Variants in OTOGL observed in about 807,000 individuals in gnomAD.
OTOGL encodes otogelin-like protein.
In OTOGL, 285 loss-of-function variants were observed where a neutral mutation model predicts 318.5. The observed-to-expected ratio is 0.89, with a 90% confidence interval of 0.81 to 0.99. OTOGL has a LOEUF of 0.99. OTOGL is among the 50% of genes least tolerant of loss of function. OTOGL has a pLI of 0.00. For synonymous variants in OTOGL, 987 were observed against 936.5 expected, an observed-to-expected ratio of 1.05 and a Z score of -0.99; for missense variants, 2,899 against 2,845.6, an observed-to-expected ratio of 1.02 and a Z score of -0.43.
Position 80,130,983 on chromosome 12 carries a change from C to T in OTOGL, c.-20+31378C>T, listed in dbSNP as rs558890809. Reference sequence around the variant, plus strand: ...CTTAATTCCCCTTTACCTATTCATTCCCCCCAAAGGGTTTGGGGAGTCAGA... The same window carrying T: ...CTTAATTCCCCTTTACCTATTCATTTCCCCCAAAGGGTTTGGGGAGTCAGA... On this transcript the variant is annotated intron_variant, in intron 1 of 58. Coordinates refer to ENST00000547103, the MANE Select transcript of OTOGL (RefSeq NM_001378609.3). 4.6e-5 allele frequency: 7 copies of T among 152,212 alleles called. No individual in the cohort carries two copies. In the South Asian group the frequency reaches 1.5e-3, roughly 32 times the overall value. The allele number at this position is 152,212 out of a possible 1,614,324, so 9.4% of individuals were successfully genotyped here.
At chr12:80,294,733 A>C (rs1451089) in intron 26 of OTOGL, among the ~76,000 whole-genome samples, 151,493 of 152,278 alleles carry the variant, frequency 0.99, 75,361 homozygotes, top group Non-Finnish European at 1. Flanking sequence ...AAGAGATGAA[A>C]TGAGTTAGTT....
intron 1 of OTOGL, among the ~76,000 whole-genome samples, chr12:80,144,088 G>GTATTATT (rs1872146470): frequency 1.3e-5 from 2 of 151,082 alleles, no homozygotes; most frequent in Non-Finnish European, 2.9e-5. Flanking sequence ...TAAGTTTTAG[G>GTATTATT]GTACTTGTGC....
chr12:80,138,856 A>G (rs1488318884), intron 1 of OTOGL, among the ~76,000 whole-genome samples: 1 of 152,150 alleles, frequency 6.6e-6, no homozygotes, highest in Non-Finnish European at 1.5e-5. Context: ...GAGTGAATGA[A>G]TAAATGAATT....
chr12:80,336,624 G>A (rs1888425809), intron 40 of OTOGL, 69 bp downstream of exon 40: 2 of 1,507,314 alleles, frequency 1.3e-6, no homozygotes, highest in African/African-American at 2.8e-5. Context: ...GCAACATCAG[G>A]GATTCTCACA....
At chr12:80,274,680 A>T (rs930126993) in intron 24 of OTOGL, among the ~76,000 whole-genome samples, 1 of 152,090 alleles carries the variant, frequency 6.6e-6, no homozygotes, top group African/African-American at 2.4e-5. Context: ...TCTTAGCTAG[A>T]GAGAAGACAA....
At chr12:80,205,769 C>T (rs1876767453) in intron 1 of OTOGL, among the ~76,000 whole-genome samples, 1 of 152,134 alleles carries the variant, frequency 6.6e-6, no homozygotes, top group Non-Finnish European at 1.5e-5. Flanking sequence ...CAAATGTTAT[C>T]TACTTTAAAT....
chr12:80,344,727 G>T (rs924043455), intron 44 of OTOGL, among the ~76,000 whole-genome samples: 3 of 151,692 alleles, frequency 2.0e-5, no homozygotes, highest in African/African-American at 7.3e-5. Context: ...AGTAATCTTG[G>T]CTCAAGAGGT....
At chr12:80,264,336 C>G (rs1882782292) in intron 19 of OTOGL, among the ~76,000 whole-genome samples, 1 of 152,126 alleles carries the variant, frequency 6.6e-6, no homozygotes, top group Non-Finnish European at 1.5e-5. Flanking sequence ...CAGATGTCCT[C>G]CCCTCCCCAG....
At chr12:80,283,208 T>C (rs1179875802) in intron 26 of OTOGL, among the ~76,000 whole-genome samples, 1 of 152,004 alleles carries the variant, frequency 6.6e-6, no homozygotes, top group African/African-American at 2.4e-5. Context: ...TATTTCTTTC[T>C]ATTTATCTTT....
At chr12:80,298,099 A>T (rs1885530869) in intron 27 of OTOGL, among the ~76,000 whole-genome samples, 1 of 152,202 alleles carries the variant, frequency 6.6e-6, no homozygotes, top group African/African-American at 2.4e-5. Context: ...TGAATATCAA[A>T]ATGTGCTAAT....
chr12:80,353,421 G>A lies in OTOGL; in HGVS notation c.5504G>A (p.Cys1835Tyr), dbSNP rs1449415585. Residue 1835 changes from cysteine to tyrosine, a missense_variant, in exon 46 of 59, where the codon TGT becomes TAT. Around this residue, in one of 3 missense-constraint regions of OTOGL, gnomAD observed 2,607 missense variants for 2,524.9 expected, o/e 1.03. Transcript: ENST00000547103. ...LNQWFYGHTS[C>Y]LNLREDCVCK... ...CAATGGTTCTATGGACACACTTCCT[G>A]TTTGAATCTAAGAGAAGACTGTGTG... The A allele has an allele frequency of 6.2e-7, 1 of 1,604,048 alleles. No homozygotes were observed. Among genetic ancestry groups the A allele is most frequent in the African/African-American group, 1.3e-5 (1 of 74,816 alleles).
At chr12:80,137,494 A>C (rs1871653125) in intron 1 of OTOGL, among the ~76,000 whole-genome samples, 1 of 152,198 alleles carries the variant, frequency 6.6e-6, no homozygotes, top group Admixed American at 6.5e-5. Flanking sequence ...GTTTGACCCA[A>C]GACAAATCAG....
intron 44 of OTOGL, among the ~76,000 whole-genome samples, chr12:80,345,323 C>A (rs1158422770): frequency 6.7e-6 from 1 of 148,810 alleles, no homozygotes; most frequent in Non-Finnish European, 1.5e-5. Context: ...GAAGCCTCCA[C>A]CTCTCAGATT....
At chr12:80,176,941 T>A (rs767632130) in intron 1 of OTOGL, among the ~76,000 whole-genome samples, 5 of 152,158 alleles carry the variant, frequency 3.3e-5, no homozygotes, top group African/African-American at 4.8e-5. Context: ...ACCCATATTT[T>A]TCTAATGACT....
intron 18 of OTOGL, among the ~76,000 whole-genome samples, chr12:80,260,427 G>A (rs1028305455): frequency 3.9e-5 from 6 of 151,934 alleles, no homozygotes; most frequent in African/African-American, 9.7e-5. Context: ...TTTAAGAGTC[G>A]GCAGATCTGT....
chr12:80,150,521 G>T (rs1265645564), intron 1 of OTOGL, among the ~76,000 whole-genome samples: 2 of 152,190 alleles, frequency 1.3e-5, no homozygotes, highest in South Asian at 2.1e-4. Flanking sequence ...CCAATCATGG[G>T]ATTTTTGCTG....
intron 1 of OTOGL, among the ~76,000 whole-genome samples, chr12:80,140,350 C>A (rs901933001): frequency 6.6e-6 from 1 of 152,120 alleles, no homozygotes; most frequent in Middle Eastern, 3.2e-3. Context: ...TGGGACTGTG[C>A]CTGGAGTTTA....
chr12:80,151,144 G>A (rs574332287), intron 1 of OTOGL, among the ~76,000 whole-genome samples: 107 of 151,716 alleles, frequency 7.1e-4, no homozygotes, highest in Non-Finnish European at 1.3e-3. Flanking sequence ...CTAGAGCTAG[G>A]AATTTAGGAT....
intron 7 of OTOGL, among the ~76,000 whole-genome samples, chr12:80,226,309 T>C (rs944565978): frequency 6.6e-6 from 1 of 152,042 alleles, no homozygotes; most frequent in African/African-American, 2.4e-5. Context: ...TATGTAAATA[T>C]TGTTTAGAGC....
Sources: gnomAD v4.1 joint callset for allele counts (sites outside exome capture counted in the v4.1 genomes callset) on GRCh38, gnomAD v4.1.1 for gene constraint, gnomAD v4.1.1 regional missense constraint, MANE v1.5 for transcripts, NCBI Gene and HGNC (gene_info 2026-07-23, HGNC 2026-07-21) for gene names.